Variants in TPST1 observed in about 807,000 individuals in gnomAD.
TPST1 encodes the protein tyrosylprotein sulfotransferase 1.
TPST1 carries 20 observed loss-of-function variants against 34.8 expected under a neutral mutation model. That is an observed-to-expected ratio of 0.57 (90% CI 0.40 to 0.84). The LOEUF (loss-of-function observed/expected upper bound fraction) is 0.84. TPST1 is among the 40% of genes least tolerant of loss of function. The probability of loss-of-function intolerance (pLI) is 0.00; values close to 1 mark genes in which losing one functional copy is unlikely to be tolerated. For missense variants in TPST1, 353 were observed against 455.5 expected (o/e 0.78, Z 2.05); for synonymous variants, 152 against 159.4 (o/e 0.95, Z 0.35).
rs76594263 is a variant in TPST1 at position 66,345,765 on chromosome 7, A to T, written c.1045-6740A>T. Among the ~76,000 whole-genome samples, 560 of 152,228 alleles carry T rather than the reference A, an allele frequency of 3.7e-3. 4 individuals carry two copies. The highest frequency in any genetic ancestry group is 0.013 in the African/African-American group (544 of 41,536). Reference sequence around the variant, plus strand: ...TTTTGATGCGGGTATACAATATGTAATAATCACATCAGGATGAATGAGGTA... The same window carrying T: ...TTTTGATGCGGGTATACAATATGTATTAATCACATCAGGATGAATGAGGTA... On this transcript the variant is annotated intron_variant, in intron 3 of 5. Coordinates refer to ENST00000304842, the MANE Select transcript of TPST1 (RefSeq NM_003596.4).
upstream of TPST1, among the ~76,000 whole-genome samples, chr7:66,201,104 CAGAA>C (rs1169386715): frequency 6.6e-6 from 1 of 152,040 alleles, no homozygotes; most frequent in African/African-American, 2.4e-5. Context: ...AATAGAAACG[CAGAA>C]AGAGTGTTCA....
chr7:66,220,493 C>T (rs1035211451), intron 1 of TPST1, among the ~76,000 whole-genome samples: 2 of 152,066 alleles, frequency 1.3e-5, no homozygotes, highest in Non-Finnish European at 2.9e-5. Context: ...ACACCTGTGT[C>T]GTATGTGGCA....
chr7:66,327,217 G>A (rs1332872027), intron 3 of TPST1, among the ~76,000 whole-genome samples: 1 of 152,060 alleles, frequency 6.6e-6, no homozygotes. Flanking sequence ...ATAACAGCAG[G>A]CCAGGCATAA....
chr7:66,247,323 G>A (rs1790169080), intron 2 of TPST1, among the ~76,000 whole-genome samples: 2 of 152,180 alleles, frequency 1.3e-5, no homozygotes, highest in South Asian at 2.1e-4. Context: ...AGCTACTCGG[G>A]AGGCTGAGGC....
At chr7:66,203,147 C>G (rs770253776), upstream of TPST1, among the ~76,000 whole-genome samples, 19 of 151,050 alleles carry the variant, frequency 1.3e-4, no homozygotes, top group Non-Finnish European at 2.4e-4. Flanking sequence ...TTATCTATCT[C>G]TGTGTGTGTG....
At chr7:66,299,988 T>C (rs979662596) in intron 3 of TPST1, among the ~76,000 whole-genome samples, 1 of 152,132 alleles carries the variant, frequency 6.6e-6, no homozygotes, top group Non-Finnish European at 1.5e-5. Flanking sequence ...ATACACTACA[T>C]TGTAGTCTGT....
chr7:66,232,953 C>T (rs1010927147), intron 1 of TPST1, among the ~76,000 whole-genome samples: 4 of 152,170 alleles, frequency 2.6e-5, no homozygotes, highest in Admixed American at 1.3e-4. Context: ...TTTTCCTAGA[C>T]TGATGATGTG....
At chr7:66,241,862 C>T (rs1307471918) in intron 2 of TPST1, among the ~76,000 whole-genome samples, 2 of 152,176 alleles carry the variant, frequency 1.3e-5, no homozygotes, top group Non-Finnish European at 2.9e-5. Context: ...GGCCAGAATT[C>T]GAATCTGTGC....
Position 66,265,994 on chromosome 7 carries a change from G to T in TPST1, c.846-20517G>T, listed in dbSNP as rs556934112. On this transcript the variant is annotated intron_variant, in intron 2 of 5. Coordinates refer to ENST00000304842, the MANE Select transcript of TPST1 (RefSeq NM_003596.4). ...ACCTGCCTACAACAAATGCTAAGGGGAATTCTTCCAGCTGAAATCAAGATG... is the reference window on the plus strand; with the variant it reads ...ACCTGCCTACAACAAATGCTAAGGGTAATTCTTCCAGCTGAAATCAAGATG... Among the ~76,000 whole-genome samples the T allele has an allele frequency of 3.3e-5, 5 of 152,316 alleles. No homozygotes were observed. The East Asian group carries it at 9.6e-4, about 29-fold the overall frequency.
At chr7:66,309,223 C>T (rs1450519070) in intron 3 of TPST1, among the ~76,000 whole-genome samples, 1 of 152,118 alleles carries the variant, frequency 6.6e-6, no homozygotes, top group Non-Finnish European at 1.5e-5. Context: ...TTACAGTATA[C>T]CAAGGAGGTT....
rs780507792 is a variant in TPST1, at chr7:66,356,863, A to C, written c.*21A>C. 1.2e-6 allele frequency: 2 copies of C among 1,614,156 alleles called. No individual in the cohort carries two copies. The highest frequency in any genetic ancestry group is 1.7e-6 in the Non-Finnish European group (2 of 1,180,012). On this transcript the variant is annotated 3_prime_UTR_variant, in exon 5 of 6. Coordinates refer to ENST00000304842, the MANE Select transcript of TPST1 (RefSeq NM_003596.4). ...AGTAGCAGAACCAGGAGCCTCTTCC[A>C]TACATGAGGTGAGGGTTGGGGGACA...
chr7:66,222,724 A>G (rs1028670607), intron 1 of TPST1, among the ~76,000 whole-genome samples: 1 of 152,114 alleles, frequency 6.6e-6, no homozygotes, highest in Non-Finnish European at 1.5e-5. Context: ...TCAGGGGGTC[A>G]GGCTGCATGG....
chr7:66,320,433 G>A (rs1354399768), intron 3 of TPST1, among the ~76,000 whole-genome samples: 1 of 151,230 alleles, frequency 6.6e-6, no homozygotes. Context: ...ATTTTTAGTA[G>A]AGGCGGGGTT....
At chr7:66,212,451 CTT>C (rs1789282548) in intron 1 of TPST1, among the ~76,000 whole-genome samples, 1 of 138,490 alleles carries the variant, frequency 7.2e-6, no homozygotes, top group Non-Finnish European at 1.6e-5. Context: ...AGTGTATTTT[CTT>C]TTCTTTTTTC....
chr7:66,352,679 G>A (rs1792506130), intron 4 of TPST1, 124 bp downstream of exon 4: 3 of 1,520,798 alleles, frequency 2.0e-6, no homozygotes, highest in African/African-American at 1.4e-5. Flanking sequence ...AAGAAGAAAA[G>A]GGATAGTGAT....
At chr7:66,244,514 T>C (rs1394448030) in intron 2 of TPST1, among the ~76,000 whole-genome samples, 1 of 152,220 alleles carries the variant, frequency 6.6e-6, no homozygotes, top group Non-Finnish European at 1.5e-5. Flanking sequence ...GTCTCTGGGC[T>C]GTTCCAGTTA....
chr7:66,336,732 T>C (rs1792129194), intron 3 of TPST1, among the ~76,000 whole-genome samples: 1 of 152,180 alleles, frequency 6.6e-6, no homozygotes, highest in Non-Finnish European at 1.5e-5. Context: ...AAGATGACAC[T>C]GTCTAGGTAC....
chr7:66,295,576 T>C (rs1791176164), intron 3 of TPST1, among the ~76,000 whole-genome samples: 1 of 152,218 alleles, frequency 6.6e-6, no homozygotes, highest in South Asian at 2.1e-4. Context: ...TAGATTTTTG[T>C]TGGTTTTAAT....
chr7:66,270,933 A>G (rs535548513), intron 2 of TPST1, among the ~76,000 whole-genome samples: 1 of 152,288 alleles, frequency 6.6e-6, no homozygotes, highest in Non-Finnish European at 1.5e-5. Flanking sequence ...TCTCTTTTCT[A>G]CATCTTACTT....
Sources: allele counts gnomAD v4.1 joint callset (sites outside exome capture counted in the v4.1 genomes callset), GRCh38; gene constraint gnomAD v4.1.1; transcripts MANE v1.5; gene names NCBI Gene and HGNC (gene_info 2026-07-23, HGNC 2026-07-21).